FFAR4: variants seen among roughly 807,000 people sequenced by gnomAD.
The protein encoded by FFAR4 is free fatty acid receptor 4, also known as G-protein coupled receptor 120.
In FFAR4, 19 loss-of-function variants were observed where a neutral mutation model predicts 27.0. The ratio of observed to expected loss-of-function variants is 0.70; its 90% CI spans 0.49 to 1.03. FFAR4 has a LOEUF of 1.03. FFAR4 is among the 50% of genes least tolerant of loss of function. The pLI is 0.00. For missense variants in FFAR4, 476 were observed against 479.0 expected (o/e 0.99, Z 0.06); for synonymous variants, 254 against 215.6 (o/e 1.18, Z -1.56).
intron 1 of FFAR4, among the ~76,000 whole-genome samples, chr10:93,572,489 C>G (rs1009320713): frequency 6.6e-6 from 1 of 152,126 alleles, no homozygotes; most frequent in Admixed American, 6.5e-5. Flanking sequence ...GGGAGAAGGA[C>G]CAGAGTCATC....
At position 93,587,227 on chromosome 10, in the gene FFAR4, A is replaced by G. The variant is rs1482452761; in HGVS notation, c.704A>G (p.Lys235Arg). 30 of 1,612,352 alleles carry G rather than the reference A, an allele frequency of 1.9e-5. No homozygotes were observed. Among genetic ancestry groups the G allele is most frequent in the Non-Finnish European group, 2.5e-5 (29 of 1,178,924 alleles). The change falls in exon 3 of 3, where the codon AAG becomes AGG. Residue 235 changes from lysine (K) to arginine (R), a missense_variant. Transcript: ENST00000371481. Reference sequence around the variant, plus strand: ...TGTTTTGGTTTTCCACAGATCACAAAGGCATCAAGGAAGAGGCTCACGGTA... The same window carrying G: ...TGTTTTGGTTTTCCACAGATCACAAGGGCATCAAGGAAGAGGCTCACGGTA... ...ISYSKILQITKASRKRLTVSL... is the reference protein window; with the variant it reads ...ISYSKILQITRASRKRLTVSL...
intron 2 of FFAR4, chr10:93,579,066 T>A: frequency 9.0e-7 from 1 of 1,115,852 alleles, no homozygotes; most frequent in Non-Finnish European, 1.4e-6. Flanking sequence ...TTGGGGCAGC[T>A]GTCCTTTTAG....
At chr10:93,585,283 A>G (rs892644089) in intron 2 of FFAR4, among the ~76,000 whole-genome samples, 3 of 152,176 alleles carry the variant, frequency 2.0e-5, no homozygotes, top group African/African-American at 7.2e-5. Context: ...CTCCACTGGT[A>G]GGAATTTATT....
intron 2 of FFAR4, among the ~76,000 whole-genome samples, chr10:93,582,436 C>T (rs1452499167): frequency 6.6e-6 from 1 of 150,744 alleles, no homozygotes; most frequent in East Asian, 2.0e-4. Context: ...CCCAGCTACT[C>T]AGGAGGCTGA....
chr10:93,573,432 A>G (rs1418593020), intron 1 of FFAR4, among the ~76,000 whole-genome samples: 2 of 152,196 alleles, frequency 1.3e-5, no homozygotes, highest in Admixed American at 1.3e-4. Context: ...CAGACTTGAC[A>G]TGCTGCCTAA....
At position 93,575,421 on chromosome 10, in the gene FFAR4, C is replaced by T. The variant is rs145815640; in HGVS notation, c.568-670C>T. Among the ~76,000 whole-genome samples, 20 of 152,342 alleles carry T rather than the reference C, an allele frequency of 1.3e-4. No homozygotes were observed. The East Asian group carries it at 3.5e-3, about 26-fold the overall frequency. On this transcript the variant is annotated intron_variant, in intron 1 of 2. Coordinates refer to ENST00000371481, the MANE Select transcript of FFAR4 (RefSeq NM_001195755.2). ...TTAGTGTTAAACATTTGGATCAATA[C>T]AACATAGTGATAGCAGCAAGATCAC... is the stretch of plus-strand genomic sequence containing the variant.
intron 1 of FFAR4, among the ~76,000 whole-genome samples, chr10:93,573,605 A>G (rs977333723): frequency 6.6e-6 from 1 of 152,206 alleles, no homozygotes; most frequent in Non-Finnish European, 1.5e-5. Flanking sequence ...CATTTAGTCA[A>G]CAATACCATA....
chr10:93,577,805 A>T (rs2058173084), intron 2 of FFAR4, among the ~76,000 whole-genome samples: 1 of 152,196 alleles, frequency 6.6e-6, no homozygotes, highest in Admixed American at 6.5e-5. Flanking sequence ...AAGGTAACAC[A>T]GCTTGTAAGT....
At chr10:93,585,536 C>T (rs2058222079) in intron 2 of FFAR4, among the ~76,000 whole-genome samples, 1 of 152,202 alleles carries the variant, frequency 6.6e-6, no homozygotes, top group African/African-American at 2.4e-5. Context: ...ATAGTCAGTT[C>T]AAAGCTTCCC....
At chr10:93,578,485 A>G (rs1050774849) in intron 2 of FFAR4, among the ~76,000 whole-genome samples, 2 of 151,364 alleles carry the variant, frequency 1.3e-5, no homozygotes, top group Non-Finnish European at 2.9e-5. Context: ...GAGACTTGAC[A>G]GTGTTATTTT....
At chr10:93,583,138 C>T (rs2134554444) in intron 2 of FFAR4, among the ~76,000 whole-genome samples, 1 of 150,144 alleles carries the variant, frequency 6.7e-6, no homozygotes, top group Non-Finnish European at 1.5e-5. Context: ...CGCGGTGGCT[C>T]AAGTCTGTAA....
chr10:93,584,022 C>T (rs11187529), intron 2 of FFAR4, among the ~76,000 whole-genome samples: 12,459 of 152,194 alleles, frequency 0.082, 1,014 homozygotes, highest in African/African-American at 0.2. Flanking sequence ...AGGCCTAGAG[C>T]GATATCCTTA....
chr10:93,584,021 G>T (rs548906289), intron 2 of FFAR4, among the ~76,000 whole-genome samples: 2 of 152,300 alleles, frequency 1.3e-5, no homozygotes, highest in Admixed American at 1.3e-4. Context: ...TAGGCCTAGA[G>T]CGATATCCTT....
intron 1 of FFAR4, among the ~76,000 whole-genome samples, chr10:93,574,926 T>G (rs747757308): frequency 1.3e-5 from 2 of 152,140 alleles, no homozygotes; most frequent in Admixed American, 6.5e-5. Flanking sequence ...AAAACAGGTT[T>G]CTTTCCAGTC....
At chr10:93,568,251 G>A (rs1018825513) in intron 1 of FFAR4, among the ~76,000 whole-genome samples, 3 of 152,128 alleles carry the variant, frequency 2.0e-5, no homozygotes, top group Admixed American at 1.3e-4. Flanking sequence ...AGTGGCCGCC[G>A]TCTGGCTGTC....
At chr10:93,581,573 A>T (rs1210321708) in intron 2 of FFAR4, among the ~76,000 whole-genome samples, 1 of 152,088 alleles carries the variant, frequency 6.6e-6, no homozygotes, top group Admixed American at 6.5e-5. Context: ...AGACTACCCC[A>T]CGGTCTTCAG....
At chr10:93,567,345 C>T in intron 1 of FFAR4, 58 bp downstream of exon 1, 1 of 1,482,250 alleles carries the variant, frequency 6.7e-7, no homozygotes, top group Non-Finnish European at 9.1e-7. Flanking sequence ...GAAGCGGGGC[C>T]CCGACGGAAG....
intron 2 of FFAR4, among the ~76,000 whole-genome samples, chr10:93,582,049 T>C (rs1387500992): frequency 3.3e-5 from 5 of 152,176 alleles, no homozygotes; most frequent in Non-Finnish European, 5.9e-5. Flanking sequence ...AGCATTTAGT[T>C]TAATCTAAAA....
chr10:93,573,591 A>C (rs1044501467), intron 1 of FFAR4, among the ~76,000 whole-genome samples: 1 of 152,240 alleles, frequency 6.6e-6, no homozygotes, highest in Non-Finnish European at 1.5e-5. Flanking sequence ...GAGACCAGAC[A>C]GTGCATTTAG....
Sources: gnomAD v4.1 joint callset for allele counts (sites outside exome capture counted in the v4.1 genomes callset) on GRCh38, gnomAD v4.1.1 for gene constraint, MANE v1.5 for transcripts, NCBI Gene and HGNC (gene_info 2026-07-23, HGNC 2026-07-21) for gene names.